Variants in TMEM132D observed in about 807,000 individuals in gnomAD.
TMEM132D encodes transmembrane protein 132D.
In TMEM132D, 21 loss-of-function variants were observed where a neutral mutation model predicts 62.3. The ratio of observed to expected loss-of-function variants is 0.34; its 90% CI spans 0.24 to 0.49. The LOEUF (loss-of-function observed/expected upper bound fraction) is 0.49, where lower values mean the gene tolerates loss of function less well. TMEM132D is among the 20% of genes least tolerant of loss of function. TMEM132D has a pLI of 0.99. For missense variants in TMEM132D, 1,346 were observed against 1,402.8 expected, an observed-to-expected ratio of 0.96 and a Z score of 0.65; for synonymous variants, 621 against 575.6, an observed-to-expected ratio of 1.08 and a Z score of -1.13.
At chr12:129,826,446 G>A (rs1300708035) in intron 1 of TMEM132D, among the ~76,000 whole-genome samples, 1 of 152,346 alleles carries the variant, frequency 6.6e-6, no homozygotes, top group East Asian at 1.9e-4. Flanking sequence ...CCTTGAGTCA[G>A]CCTTTCACCG....
intron 2 of TMEM132D, among the ~76,000 whole-genome samples, chr12:129,564,272 C>T (rs1211461876): frequency 1.3e-5 from 2 of 152,156 alleles, no homozygotes; most frequent in Non-Finnish European, 2.9e-5. Context: ...TAAAACAAAA[C>T]CAGGGATTTT....
At chr12:129,288,100 A>G (rs1191655507) in intron 4 of TMEM132D, among the ~76,000 whole-genome samples, 2 of 152,248 alleles carry the variant, frequency 1.3e-5, no homozygotes, top group African/African-American at 4.8e-5. Context: ...TTGGACCATT[A>G]TCGTGCACCA....
At chr12:129,245,224 C>T (rs1880063907) in intron 4 of TMEM132D, among the ~76,000 whole-genome samples, 5 of 152,192 alleles carry the variant, frequency 3.3e-5, no homozygotes, top group Non-Finnish European at 7.3e-5. Context: ...CCCTCCCTCC[C>T]CCAACTCCTA....
chr12:129,710,931 C>A (rs1881626594), intron 1 of TMEM132D, among the ~76,000 whole-genome samples: 1 of 151,986 alleles, frequency 6.6e-6, no homozygotes, highest in African/African-American at 2.4e-5. Flanking sequence ...CCCCTACCCA[C>A]GCGCATTCCC....
intron 2 of TMEM132D, among the ~76,000 whole-genome samples, chr12:129,649,735 A>G (rs1879871871): frequency 6.7e-6 from 1 of 148,772 alleles, no homozygotes; most frequent in African/African-American, 2.4e-5. Flanking sequence ...GTTATTCTAT[A>G]TAATACATAA....
At chr12:129,623,674 CACATATATATACATATAT>C (rs1421309047) in intron 2 of TMEM132D, among the ~76,000 whole-genome samples, 3 of 108,064 alleles carry the variant, frequency 2.8e-5, no homozygotes, top group East Asian at 5.5e-4. Context: ...CATATATATA[CACATATATATACATATAT>C]ACATATATAT....
chr12:129,422,455 T>C (rs1023871740), intron 3 of TMEM132D, among the ~76,000 whole-genome samples: 1 of 152,220 alleles, frequency 6.6e-6, no homozygotes, highest in African/African-American at 2.4e-5. Context: ...AAGAATGCTC[T>C]TTCTCATCAG....
At chr12:129,735,810 T>G (rs373292975) in intron 1 of TMEM132D, among the ~76,000 whole-genome samples, 285 of 152,304 alleles carry the variant, frequency 1.9e-3, no homozygotes, top group African/African-American at 6.5e-3. Flanking sequence ...ATATTCTATC[T>G]CTTGACCATG....
intron 3 of TMEM132D, among the ~76,000 whole-genome samples, chr12:129,467,909 T>C (rs1873963474): frequency 6.6e-6 from 1 of 152,146 alleles, no homozygotes; most frequent in African/African-American, 2.4e-5. Flanking sequence ...TTAGAGGGAT[T>C]AATCAAGCAG....
chr12:129,424,707 C>CA (rs11385383), intron 3 of TMEM132D, among the ~76,000 whole-genome samples: 13,553 of 31,594 alleles, frequency 0.43, 3,344 homozygotes, highest in East Asian at 0.6. Context: ...GACTCCATCT[C>CA]AAAAAAAAAA....
chr12:129,100,688 A>G (rs889981171), intron 5 of TMEM132D, among the ~76,000 whole-genome samples: 1 of 152,240 alleles, frequency 6.6e-6, no homozygotes, highest in African/African-American at 2.4e-5. Context: ...CAGATGAGGC[A>G]GCTGAGGCTA....
chr12:129,795,579 T>C (rs538634981), intron 1 of TMEM132D, among the ~76,000 whole-genome samples: 2 of 152,222 alleles, frequency 1.3e-5, no homozygotes, highest in Non-Finnish European at 2.9e-5. Context: ...TTGTCACTTA[T>C]ATTTTGCTGT....
chr12:129,763,676 C>T (rs1263169719), intron 1 of TMEM132D, among the ~76,000 whole-genome samples: 1 of 152,066 alleles, frequency 6.6e-6, no homozygotes, highest in East Asian at 1.9e-4. Context: ...GAAAAGTTTT[C>T]CCAATGACTT....
chr12:129,796,123 C>T (rs142502439), intron 1 of TMEM132D, among the ~76,000 whole-genome samples: 391 of 152,012 alleles, frequency 2.6e-3, no homozygotes, highest in African/African-American at 9.1e-3. Flanking sequence ...TTGCTTGAGC[C>T]CAGGAGTTTG....
rs377021568 is a variant in TMEM132D, at chr12:129,773,038, T to C, written c.80-72340A>G. On this transcript the variant is annotated intron_variant, in intron 1 of 8. Coordinates refer to ENST00000422113, the MANE Select transcript of TMEM132D (RefSeq NM_133448.3). ...AATCATGAGGGAAGAGTCAGCGGTT[T>C]GTTAGAACAAACAAGGGGGAAATAC... Among the ~76,000 whole-genome samples the C allele has an allele frequency of 2.6e-5, 4 of 152,174 alleles. No individual in the cohort carries two copies. The East Asian group carries it at 7.7e-4, about 29-fold the overall frequency.
chr12:129,818,262 A>T (rs1364841496), intron 1 of TMEM132D, among the ~76,000 whole-genome samples: 1 of 111,312 alleles, frequency 9.0e-6, no homozygotes, highest in Non-Finnish European at 1.8e-5. Flanking sequence ...TGTGAGGTGT[A>T]TGTGTGTATA....
intron 2 of TMEM132D, among the ~76,000 whole-genome samples, chr12:129,660,547 G>A (rs561868786): frequency 9.9e-5 from 15 of 152,218 alleles, no homozygotes; most frequent in Middle Eastern, 3.4e-3. Context: ...TGCGCAGTCT[G>A]TCTTTTGTTG....
Position 129,816,725 on chromosome 12 carries a change from C to G in TMEM132D, c.79+86536G>C, listed in dbSNP as rs1254501057. Among the ~76,000 whole-genome samples the G allele has an allele frequency of 1.2e-4, 18 of 152,288 alleles. No individual in the cohort carries two copies. In the East Asian group the frequency reaches 3.5e-3, roughly 29 times the overall value. ...TCATTTCTAAGACGTGTGTCACGGA[C>G]TTATTGTGAATTCACCCTGACACCA... On this transcript the variant is annotated intron_variant, in intron 1 of 8. Transcript: ENST00000422113.
chr12:129,439,968 T>C (rs1415437300), intron 3 of TMEM132D, among the ~76,000 whole-genome samples: 1 of 152,172 alleles, frequency 6.6e-6, no homozygotes, highest in Non-Finnish European at 1.5e-5. Flanking sequence ...GTTTTCCGTG[T>C]TCCCCAAGAC....
Sources: allele counts gnomAD v4.1 joint callset (sites outside exome capture counted in the v4.1 genomes callset), GRCh38; gene constraint gnomAD v4.1.1; transcripts MANE v1.5; gene names NCBI Gene and HGNC (gene_info 2026-07-23, HGNC 2026-07-21).